The following PTPRT variants were observed in gnomAD, a reference collection of about 807,000 sequenced individuals.
PTPRT encodes protein tyrosine phosphatase receptor type T.
In PTPRT, 56 loss-of-function variants were observed where a neutral mutation model predicts 176.8. The ratio of observed to expected loss-of-function variants is 0.32; its 90% CI spans 0.26 to 0.40. The LOEUF (loss-of-function observed/expected upper bound fraction) is 0.40, where lower values mean the gene tolerates loss of function less well. PTPRT is among the 10% of genes least tolerant of loss of function. The pLI, the probability that PTPRT is intolerant of heterozygous loss-of-function variation, is 1.00. For missense variants in PTPRT, 1,540 were observed against 1,908.2 expected, an observed-to-expected ratio of 0.81 and a Z score of 3.60; for synonymous variants, 783 against 739.0, an observed-to-expected ratio of 1.06 and a Z score of -0.96.
chr20:42,799,328 T>C (rs208237), intron 2 of PTPRT, among the ~76,000 whole-genome samples: 51,607 of 151,918 alleles, frequency 0.34, 9,208 homozygotes, highest in East Asian at 0.61. Context: ...AACCCCTACA[T>C]AAGCTTGCAT....
chr20:42,970,131 G>A (rs1048760877), intron 1 of PTPRT, among the ~76,000 whole-genome samples: 9 of 152,256 alleles, frequency 5.9e-5, no homozygotes, highest in African/African-American at 1.9e-4. Context: ...TCCTCCCAGC[G>A]CAGCAGTTCA....
At chr20:42,467,025 C>G (rs1222386337) in intron 8 of PTPRT, among the ~76,000 whole-genome samples, 1 of 152,110 alleles carries the variant, frequency 6.6e-6, no homozygotes. Context: ...GATTTCAATA[C>G]ACGGAGTCAA....
intron 1 of PTPRT, among the ~76,000 whole-genome samples, chr20:43,133,193 A>G (rs1242892283): frequency 6.6e-6 from 1 of 152,204 alleles, no homozygotes; most frequent in Non-Finnish European, 1.5e-5. Flanking sequence ...GCTGAGCTGT[A>G]CAGTTAAGAT....
intron 1 of PTPRT, among the ~76,000 whole-genome samples, chr20:43,160,400 T>A (rs999035969): frequency 6.6e-6 from 1 of 152,198 alleles, no homozygotes; most frequent in South Asian, 2.1e-4. Flanking sequence ...TCTTGCTGCA[T>A]CCAAAGAGGT....
intron 15 of PTPRT, among the ~76,000 whole-genome samples, chr20:42,208,748 C>A (rs1034066729): frequency 6.6e-6 from 1 of 152,134 alleles, no homozygotes; most frequent in Non-Finnish European, 1.5e-5. Context: ...GACAGAAATT[C>A]AACAAGGATA....
At chr20:43,110,098 A>C (rs918483512) in intron 1 of PTPRT, among the ~76,000 whole-genome samples, 1 of 152,218 alleles carries the variant, frequency 6.6e-6, no homozygotes, top group Non-Finnish European at 1.5e-5. Flanking sequence ...GGAAGGTTCA[A>C]AATAGGGCAT....
At chr20:42,963,962 T>C (rs1982150876) in intron 1 of PTPRT, among the ~76,000 whole-genome samples, 1 of 152,192 alleles carries the variant, frequency 6.6e-6, no homozygotes, top group Admixed American at 6.5e-5. Flanking sequence ...CAGTTATTGC[T>C]GCTGCCTGTT....
the PTPRT span, among the ~76,000 whole-genome samples, chr20:42,036,371 C>T: frequency 1.3e-5 from 2 of 152,134 alleles, no homozygotes; most frequent in South Asian, 2.1e-4. Context: ...GCCAGCCACA[C>T]GTATACTCTT....
chr20:42,050,936 A>G, the PTPRT span, among the ~76,000 whole-genome samples: 2 of 152,236 alleles, frequency 1.3e-5, no homozygotes, highest in Non-Finnish European at 2.9e-5. Context: ...AGCCCTCCCT[A>G]TTGAGAAACA....
chr20:43,013,059 C>CT (rs1985206170), intron 1 of PTPRT, among the ~76,000 whole-genome samples: 1 of 151,966 alleles, frequency 6.6e-6, no homozygotes, highest in Non-Finnish European at 1.5e-5. Context: ...CCTAAGGAGT[C>CT]TTTTTATGAA....
chr20:42,051,028 G>C, the PTPRT span, among the ~76,000 whole-genome samples: 1 of 152,256 alleles, frequency 6.6e-6, no homozygotes, highest in East Asian at 1.9e-4. Context: ...TCATGTAGCT[G>C]CTGTAAATGT....
intron 7 of PTPRT, among the ~76,000 whole-genome samples, chr20:42,563,624 G>T (rs910243031): frequency 2.9e-4 from 44 of 152,138 alleles, no homozygotes; most frequent in African/African-American, 1.0e-3. Context: ...AAATCATGAA[G>T]TAAAGTAGGG....
intron 11 of PTPRT, among the ~76,000 whole-genome samples, chr20:42,332,431 C>T (rs1345425445): frequency 6.6e-6 from 1 of 151,990 alleles, no homozygotes; most frequent in Non-Finnish European, 1.5e-5. Context: ...AGGATGGCCT[C>T]AATTTCCTGA....
intron 9 of PTPRT, among the ~76,000 whole-genome samples, chr20:42,440,764 A>C (rs1371331218): frequency 2.6e-5 from 4 of 152,324 alleles, no homozygotes; most frequent in Non-Finnish European, 5.9e-5. Flanking sequence ...GGCGTGAGCC[A>C]CCATGCCCGG....
intron 14 of PTPRT, among the ~76,000 whole-genome samples, chr20:42,248,015 A>C (rs561598134): frequency 6.6e-6 from 1 of 152,214 alleles, no homozygotes; most frequent in African/African-American, 2.4e-5. Context: ...ATCTGTGTGC[A>C]TGCTTTCGTG....
At chr20:42,564,993 T>G (rs190185860) in intron 7 of PTPRT, among the ~76,000 whole-genome samples, 81 of 152,204 alleles carry the variant, frequency 5.3e-4, no homozygotes, top group African/African-American at 1.9e-3. Flanking sequence ...TCAACCGTAT[T>G]TCCATTCTGA....
At chr20:42,098,049 C>T (rs1375048930) in intron 27 of PTPRT, among the ~76,000 whole-genome samples, 5 of 152,250 alleles carry the variant, frequency 3.3e-5, no homozygotes, top group South Asian at 4.2e-4. Flanking sequence ...TGAGTGTGGC[C>T]GGGCATCTGG....
At chr20:42,470,603 A>AG (rs1304285221) in intron 8 of PTPRT, among the ~76,000 whole-genome samples, 30 of 152,158 alleles carry the variant, frequency 2.0e-4, no homozygotes, top group Non-Finnish European at 1.5e-5. Flanking sequence ...AGTGTTTCTT[A>AG]GGTAAGCCCT....
intron 7 of PTPRT, among the ~76,000 whole-genome samples, chr20:42,631,406 T>A (rs2074402432): frequency 6.6e-6 from 1 of 152,186 alleles, no homozygotes; most frequent in Non-Finnish European, 1.5e-5. Flanking sequence ...AAATACTCAA[T>A]TCAGCTTCAC....
Sources: allele counts gnomAD v4.1 joint callset (sites outside exome capture counted in the v4.1 genomes callset), GRCh38; gene constraint gnomAD v4.1.1; transcripts MANE v1.5; gene names NCBI Gene and HGNC (gene_info 2026-07-23, HGNC 2026-07-21).